Variants in REEP3 observed in about 807,000 individuals in gnomAD.
The protein encoded by REEP3 is receptor accessory protein 3.
In REEP3, 20 loss-of-function variants were observed where a neutral mutation model predicts 41.3. The ratio of observed to expected loss-of-function variants is 0.48; its 90% CI spans 0.34 to 0.70. The LOEUF (loss-of-function observed/expected upper bound fraction) is 0.70, where lower values mean the gene tolerates loss of function less well. Ranked by LOEUF, REEP3 falls within the 30% of genes least tolerant of loss-of-function variation. The probability of loss-of-function intolerance (pLI) is 0.01; values close to 1 mark genes in which losing one functional copy is unlikely to be tolerated. For missense variants in REEP3, 271 were observed against 308.8 expected (o/e 0.88, Z 0.92); for synonymous variants, 104 against 101.8 (o/e 1.02, Z -0.13).
At chr10:63,530,130 A>G (rs948014252) in intron 1 of REEP3, among the ~76,000 whole-genome samples, 1 of 151,370 alleles carries the variant, frequency 6.6e-6, no homozygotes, top group Non-Finnish European at 1.5e-5. Flanking sequence ...AGAATGTACC[A>G]TTTGTTAGGG....
intron 2 of REEP3, among the ~76,000 whole-genome samples, chr10:63,586,574 A>T (rs1407991642): frequency 6.6e-6 from 1 of 152,218 alleles, no homozygotes; most frequent in East Asian, 1.9e-4. Flanking sequence ...AGTGAAAATG[A>T]TTGCCATTTC....
At chr10:63,578,504 G>T (rs541273067) in intron 2 of REEP3, among the ~76,000 whole-genome samples, 1 of 152,130 alleles carries the variant, frequency 6.6e-6, no homozygotes, top group Non-Finnish European at 1.5e-5. Context: ...GGGCATGGTA[G>T]CTCACACCTA....
Position 63,610,318 on chromosome 10 carries a change from C to T in REEP3, c.549C>T (p.Ala183=). ...AAGCAAAAAAGAAAAGTAAACCAGC[C>T]CCCAGTGAATCAGCAGGTGTGCTTG... The part of the protein sequence containing the change: ...LPEAKKKSKP[A]PSESAGYGIP... The change falls in exon 6 of 8, where the codon GCC becomes GCT. Residue 183 remains alanine, a synonymous_variant. Transcript: ENST00000373758. The T allele has an allele frequency of 6.4e-7, 1 of 1,555,792 alleles. No individual in the cohort carries two copies. The highest frequency in any genetic ancestry group is 8.7e-7 in the Non-Finnish European group (1 of 1,148,774).
At chr10:63,584,108 G>C (rs1461842558) in intron 2 of REEP3, among the ~76,000 whole-genome samples, 1 of 152,200 alleles carries the variant, frequency 6.6e-6, no homozygotes, top group Non-Finnish European at 1.5e-5. Context: ...TGTTGCGACA[G>C]AGGTATCCAT....
intron 1 of REEP3, among the ~76,000 whole-genome samples, chr10:63,539,842 T>TA (rs545163596): frequency 1.2e-4 from 19 of 152,222 alleles, no homozygotes; most frequent in East Asian, 1.2e-3. Flanking sequence ...CTTTTTTTCT[T>TA]AAAAAAACTC....
At chr10:63,565,464 C>T (rs947627326) in intron 1 of REEP3, among the ~76,000 whole-genome samples, 1 of 152,048 alleles carries the variant, frequency 6.6e-6, no homozygotes, top group African/African-American at 2.4e-5. Context: ...TAGATTAAGT[C>T]CTATTCGTGA....
chr10:63,602,114 GA>G (rs200734048), intron 5 of REEP3, among the ~76,000 whole-genome samples: 14 of 147,978 alleles, frequency 9.5e-5, no homozygotes, highest in African/African-American at 2.2e-4. Context: ...AATGAAAAAG[GA>G]AAAAAAAAGG....
chr10:63,543,488 A>G (rs1470679088), intron 1 of REEP3, among the ~76,000 whole-genome samples: 3 of 150,900 alleles, frequency 2.0e-5, no homozygotes, highest in Admixed American at 6.6e-5. Flanking sequence ...TTTTAGAGAC[A>G]AGGTCTAACT....
At chr10:63,539,535 A>G (rs1342002149) in intron 1 of REEP3, among the ~76,000 whole-genome samples, 2 of 152,146 alleles carry the variant, frequency 1.3e-5, no homozygotes, top group East Asian at 1.9e-4. Context: ...GTGTGTACCT[A>G]TGGTCACAGC....
chr10:63,603,725 C>T (rs1003297410), intron 5 of REEP3, among the ~76,000 whole-genome samples: 2 of 152,052 alleles, frequency 1.3e-5, no homozygotes, highest in Admixed American at 1.3e-4. Context: ...TCATGAGTAC[C>T]GGAATGTTGG....
At chr10:63,615,640 G>A (rs1956306490) in intron 6 of REEP3, among the ~76,000 whole-genome samples, 1 of 151,754 alleles carries the variant, frequency 6.6e-6, no homozygotes, top group Admixed American at 6.6e-5. Flanking sequence ...CCACCTCCCA[G>A]GTTCAAGCAA....
chr10:63,620,461 G>A (rs1956345122), intron 7 of REEP3, among the ~76,000 whole-genome samples: 1 of 152,206 alleles, frequency 6.6e-6, no homozygotes, highest in Non-Finnish European at 1.5e-5. Flanking sequence ...AGATTAAATA[G>A]TAAACAGTTA....
In REEP3 at chr10:63,555,756, C is replaced by T. The variant is rs544137322; in HGVS notation, c.33-10582C>T. ...ATCATAATCAGTTTTAATCCAACAC[C>T]AAACTAAGCATAATATTGTCACACA... On this transcript the variant is annotated intron_variant, in intron 1 of 7. Transcript: ENST00000373758. 2.6e-5 allele frequency among the ~76,000 whole-genome samples: 4 copies of T among 152,258 alleles called. No homozygotes were observed. The East Asian group carries it at 7.7e-4, about 29-fold the overall frequency.
intron 5 of REEP3, among the ~76,000 whole-genome samples, chr10:63,604,156 G>A (rs1956201871): frequency 1.3e-5 from 2 of 152,174 alleles, no homozygotes; most frequent in Admixed American, 1.3e-4. Context: ...GGTGAAAATA[G>A]GAATCTAATC....
At chr10:63,594,998 A>G in intron 3 of REEP3, 144 bp downstream of exon 3, 1 of 648,662 alleles carries the variant, frequency 1.5e-6, no homozygotes, top group Non-Finnish European at 2.7e-6. Context: ...CTGCTTTCCC[A>G]TAGAACACTA....
At chr10:63,535,114 T>C (rs530817259) in intron 1 of REEP3, among the ~76,000 whole-genome samples, 4 of 152,188 alleles carry the variant, frequency 2.6e-5, no homozygotes, top group African/African-American at 9.6e-5. Context: ...ATTAGAAATA[T>C]AATCTATTGT....
intron 1 of REEP3, among the ~76,000 whole-genome samples, chr10:63,551,162 C>T (rs1955625238): frequency 6.6e-6 from 1 of 152,086 alleles, no homozygotes; most frequent in Non-Finnish European, 1.5e-5. Context: ...CATGATGAGC[C>T]TGCAGCATCT....
intron 1 of REEP3, among the ~76,000 whole-genome samples, chr10:63,539,744 T>A (rs769239118): frequency 2.0e-5 from 3 of 152,230 alleles, no homozygotes; most frequent in African/African-American, 4.8e-5. Flanking sequence ...CAAAGTATTA[T>A]ACCATATTTA....
rs983643433 is a variant in REEP3, at chr10:63,606,268, T to TTTC, written c.418-3916_418-3914dup. 489 of 154,172 alleles carry TTTC rather than the reference T, an allele frequency of 3.2e-3. 2 individuals are homozygous for TTTC. Among genetic ancestry groups the TTTC allele is most frequent in the African/African-American group, 0.011 (472 of 41,426 alleles). The allele number at this position is 154,172 out of a possible 1,614,324, so 9.6% of individuals were successfully genotyped here. ...GACTAGACTAGAACTTTTCTTTTTC[T>TTTC]TTCTTTCTTTTTCTTTCTTTCCTTT... is the stretch of plus-strand genomic sequence containing the variant. On this transcript the variant is annotated intron_variant, in intron 5 of 7. Coordinates refer to ENST00000373758, the MANE Select transcript of REEP3 (RefSeq NM_001001330.3).
Sources: allele counts gnomAD v4.1 joint callset (sites outside exome capture counted in the v4.1 genomes callset), GRCh38; gene constraint gnomAD v4.1.1; transcripts MANE v1.5; gene names NCBI Gene and HGNC (gene_info 2026-07-23, HGNC 2026-07-21).